The following ZNF385D variants were observed in gnomAD, a reference collection of about 807,000 sequenced individuals.
ZNF385D encodes the protein zinc finger protein 385D.
Under a neutral mutation model 35.8 loss-of-function variants are expected in ZNF385D, and 15 were observed. That is an observed-to-expected ratio of 0.42 (90% CI 0.28 to 0.64). The LOEUF (loss-of-function observed/expected upper bound fraction) is 0.64, where lower values mean the gene tolerates loss of function less well. ZNF385D is among the 30% of genes least tolerant of loss of function. The pLI is 0.23. For synonymous variants in ZNF385D, 212 were observed against 186.8 expected, an observed-to-expected ratio of 1.13 and a Z score of -1.10; for missense variants, 474 against 494.6, an observed-to-expected ratio of 0.96 and a Z score of 0.39.
In ZNF385D at chr3:21,611,894, A is replaced by G. The variant is rs191853934; in HGVS notation, c.166-47210T>C. Reference sequence around the variant, plus strand: ...AGGCTTGCACAAATTCAACGAAATTATTTTGCTTGTTGTACCTCAGTATAC... The same window carrying G: ...AGGCTTGCACAAATTCAACGAAATTGTTTTGCTTGTTGTACCTCAGTATAC... On this transcript the variant is annotated intron_variant, in intron 2 of 7. Coordinates refer to ENST00000281523, the MANE Select transcript of ZNF385D (RefSeq NM_024697.3). 5.9e-5 allele frequency among the ~76,000 whole-genome samples: 9 copies of G among 152,166 alleles called. No individual in the cohort carries two copies. The East Asian group carries it at 1.4e-3, about 23-fold the overall frequency.
intron 3 of ZNF385D, among the ~76,000 whole-genome samples, chr3:21,903,454 G>A (rs904184919): frequency 6.6e-6 from 1 of 152,094 alleles, no homozygotes; most frequent in African/African-American, 2.4e-5. Context: ...TCTGAGGCTG[G>A]CTTCATAGAC....
At chr3:22,136,524 T>C (rs1030185652) in intron 3 of ZNF385D, among the ~76,000 whole-genome samples, 3 of 152,154 alleles carry the variant, frequency 2.0e-5, no homozygotes, top group African/African-American at 7.2e-5. Context: ...ATGATCCATT[T>C]TCAGAATATA....
intron 3 of ZNF385D, among the ~76,000 whole-genome samples, chr3:22,026,222 C>G (rs1186450799): frequency 6.6e-6 from 1 of 152,094 alleles, no homozygotes; most frequent in Non-Finnish European, 1.5e-5. Flanking sequence ...ATTATAAAAA[C>G]AGAGAATCAT....
At chr3:21,823,471 G>T (rs1449988567) in intron 3 of ZNF385D, among the ~76,000 whole-genome samples, 1 of 151,984 alleles carries the variant, frequency 6.6e-6, no homozygotes, top group East Asian at 1.9e-4. Flanking sequence ...ACACACGGAC[G>T]CAGCACACTC....
intron 2 of ZNF385D, among the ~76,000 whole-genome samples, chr3:21,618,339 G>A (rs1328541827): frequency 2.6e-5 from 4 of 152,152 alleles, no homozygotes; most frequent in African/African-American, 7.2e-5. Flanking sequence ...CAAGAATGCC[G>A]AGGATTTTCT....
intron 2 of ZNF385D, among the ~76,000 whole-genome samples, chr3:22,336,925 A>AAAAAC (rs1695192102): frequency 6.8e-6 from 1 of 146,240 alleles, no homozygotes; most frequent in Non-Finnish European, 1.5e-5. Flanking sequence ...AAAAAAAAAA[A>AAAAAC]AAAAAAAAAA....
chr3:22,060,410 T>C (rs1229627416), intron 3 of ZNF385D, among the ~76,000 whole-genome samples: 1 of 152,200 alleles, frequency 6.6e-6, no homozygotes, highest in Non-Finnish European at 1.5e-5. Context: ...CATCCACACA[T>C]ATTCTATTTT....
At chr3:21,973,559 T>G (rs189389319) in intron 3 of ZNF385D, among the ~76,000 whole-genome samples, 2 of 151,976 alleles carry the variant, frequency 1.3e-5, no homozygotes, top group Non-Finnish European at 2.9e-5. Context: ...GTACTGGAAG[T>G]ACTAGCTAGA....
At chr3:22,224,912 C>CT (rs1319543575) in intron 2 of ZNF385D, among the ~76,000 whole-genome samples, 2 of 152,096 alleles carry the variant, frequency 1.3e-5, no homozygotes, top group African/African-American at 2.4e-5. Context: ...AACAGGGATG[C>CT]TTTTTTACTA....
At chr3:22,316,674 T>C (rs1217007260) in intron 2 of ZNF385D, among the ~76,000 whole-genome samples, 1 of 152,214 alleles carries the variant, frequency 6.6e-6, no homozygotes, top group Non-Finnish European at 1.5e-5. Context: ...TGATCATCTA[T>C]TAATGGGATT....
chr3:22,071,130 C>A (rs953965123), intron 3 of ZNF385D, among the ~76,000 whole-genome samples: 1 of 152,142 alleles, frequency 6.6e-6, no homozygotes, highest in Non-Finnish European at 1.5e-5. Flanking sequence ...CTGTGCCTGG[C>A]TTTGCACAGC....
At chr3:22,203,045 G>T (rs961496485) in intron 2 of ZNF385D, among the ~76,000 whole-genome samples, 2 of 152,044 alleles carry the variant, frequency 1.3e-5, no homozygotes, top group African/African-American at 4.8e-5. Context: ...GCAACCTAGG[G>T]AGACATCATC....
chr3:21,934,319 G>A (rs1701158691), intron 3 of ZNF385D, among the ~76,000 whole-genome samples: 1 of 152,002 alleles, frequency 6.6e-6, no homozygotes, highest in Non-Finnish European at 1.5e-5. Flanking sequence ...GCTGCATTTG[G>A]GTGAAATAAT....
At chr3:21,737,741 G>A (rs544436522) in intron 1 of ZNF385D, among the ~76,000 whole-genome samples, 1 of 152,162 alleles carries the variant, frequency 6.6e-6, no homozygotes, top group Non-Finnish European at 1.5e-5. Context: ...GTCTAAAAGG[G>A]TCTAAAAGGT....
intron 2 of ZNF385D, among the ~76,000 whole-genome samples, chr3:22,213,896 C>T (rs576144561): frequency 6.6e-6 from 1 of 152,124 alleles, no homozygotes; most frequent in South Asian, 2.1e-4. Context: ...AGAGAATTTA[C>T]ACCAGAAGAA....
intron 3 of ZNF385D, among the ~76,000 whole-genome samples, chr3:21,787,504 C>A (rs1255685938): frequency 6.6e-6 from 1 of 152,112 alleles, no homozygotes; most frequent in South Asian, 2.1e-4. Context: ...ACTAACCACA[C>A]ACACTGTCCT....
intron 1 of ZNF385D, among the ~76,000 whole-genome samples, chr3:21,692,947 T>A (rs1470575999): frequency 6.6e-6 from 1 of 152,228 alleles, no homozygotes; most frequent in Non-Finnish European, 1.5e-5. Context: ...TCCTTGAAGG[T>A]AATCACTATT....
At chr3:21,918,058 A>G (rs1700276502) in intron 3 of ZNF385D, among the ~76,000 whole-genome samples, 1 of 152,226 alleles carries the variant, frequency 6.6e-6, no homozygotes, top group Non-Finnish European at 1.5e-5. Context: ...GATGGAGCAG[A>G]GTTTTGCAAG....
At chr3:21,757,692 T>G (rs1199414320) in intron 3 of ZNF385D, among the ~76,000 whole-genome samples, 1 of 152,202 alleles carries the variant, frequency 6.6e-6, no homozygotes, top group African/African-American at 2.4e-5. Flanking sequence ...CTAGAATTCT[T>G]TATATTTCAA....
Sources: gnomAD v4.1 joint callset for allele counts (sites outside exome capture counted in the v4.1 genomes callset) on GRCh38, gnomAD v4.1.1 for gene constraint, MANE v1.5 for transcripts, NCBI Gene and HGNC (gene_info 2026-07-23, HGNC 2026-07-21) for gene names.